EMCN: variants seen among roughly 807,000 people sequenced by gnomAD.
The protein encoded by EMCN is endomucin, also known as MUC-14.
In EMCN, 37 loss-of-function variants were observed where a neutral mutation model predicts 38.4. The ratio of observed to expected loss-of-function variants is 0.96; its 90% CI spans 0.74 to 1.27. The LOEUF (loss-of-function observed/expected upper bound fraction) is 1.27, where lower values mean the gene tolerates loss of function less well. Among genes scored for constraint, EMCN ranks in the 50% most tolerant of loss-of-function variants. The pLI, the probability that EMCN is intolerant of heterozygous loss-of-function variation, is 0.00. For missense variants in EMCN, 318 were observed against 302.8 expected (o/e 1.05, Z -0.37); for synonymous variants, 95 against 100.8 (o/e 0.94, Z 0.35).
intron 4 of EMCN, among the ~76,000 whole-genome samples, chr4:100,464,821 T>A (rs927179808): frequency 6.6e-6 from 1 of 152,090 alleles, no homozygotes; most frequent in African/African-American, 2.4e-5. Flanking sequence ...GGTCTATAGT[T>A]TTCTTTACTT....
chr4:100,417,143 TAGG>T lies in EMCN; in HGVS notation c.665-5_665-3del, dbSNP rs964725176. 2 of 1,613,662 alleles carry T rather than the reference TAGG, an allele frequency of 1.2e-6. No homozygotes were observed. Among genetic ancestry groups the T allele is most frequent in the African/African-American group, 2.7e-5 (2 of 74,916 alleles). On this transcript the variant is annotated splice_region_variant and splice_polypyrimidine_tract_variant and intron_variant, in intron 8 of 11. Transcript: ENST00000296420. ...GATCATTTCCATTTTCTGGTGTGCC[TAGG>T]AGAAGAGGGAGTTGTTATTAGAGTT...
chr4:100,491,085 A>T (rs1729064802), intron 1 of EMCN, among the ~76,000 whole-genome samples: 1 of 152,130 alleles, frequency 6.6e-6, no homozygotes, highest in African/African-American at 2.4e-5. Context: ...ATGGCTTGCA[A>T]ATATTTTCTC....
In EMCN at chr4:100,438,169, A is replaced by G. The variant is rs538093540; in HGVS notation, c.415+9364T>C. On this transcript the variant is annotated intron_variant, in intron 5 of 11. Transcript: ENST00000296420. ...TCAACTCACAAGTTTTAACTTTACA[A>G]TGGGGTTTAAGACATAACCCCATTG... Among the ~76,000 whole-genome samples, 14 of 152,152 alleles carry G rather than the reference A, an allele frequency of 9.2e-5. 1 individual carries two copies. Among genetic ancestry groups the G allele is most frequent in the African/African-American group, 2.4e-4 (10 of 41,538 alleles).
intron 1 of EMCN, among the ~76,000 whole-genome samples, chr4:100,487,490 T>G (rs1450024417): frequency 1.3e-5 from 2 of 152,172 alleles, no homozygotes; most frequent in Non-Finnish European, 2.9e-5. Context: ...ATCTCTTGAA[T>G]TAAATCTTCG....
At chr4:100,422,953 C>A (rs1044249867) in intron 7 of EMCN, 68 bp downstream of exon 7, 6 of 1,476,440 alleles carry the variant, frequency 4.1e-6, no homozygotes, top group Non-Finnish European at 5.7e-6. Context: ...TGATTCCTCT[C>A]CTTTACTGGT....
intron 1 of EMCN, among the ~76,000 whole-genome samples, chr4:100,482,742 A>G (rs1272462601): frequency 1.3e-5 from 2 of 152,090 alleles, no homozygotes; most frequent in Non-Finnish European, 2.9e-5. Context: ...CAGAAATTCC[A>G]CCCTAGGAAA....
chr4:100,517,775 TG>T (rs1360687691), intron 1 of EMCN, 75 bp downstream of exon 1: 15 of 1,389,970 alleles, frequency 1.1e-5, no homozygotes, highest in Admixed American at 1.7e-5. Flanking sequence ...GGAAGATCCC[TG>T]AAAGTAAACT....
intron 5 of EMCN, among the ~76,000 whole-genome samples, chr4:100,432,390 A>T (rs1727227743): frequency 6.6e-6 from 1 of 152,198 alleles, no homozygotes; most frequent in Non-Finnish European, 1.5e-5. Flanking sequence ...ATATTACTTT[A>T]TACCTACATG....
At chr4:100,458,107 C>T (rs1728069971) in intron 4 of EMCN, among the ~76,000 whole-genome samples, 1 of 150,980 alleles carries the variant, frequency 6.6e-6, no homozygotes, top group Admixed American at 6.6e-5. Flanking sequence ...CAGGGCAAGA[C>T]CCTGTCAAAA....
intron 8 of EMCN, among the ~76,000 whole-genome samples, chr4:100,417,535 A>G (rs1389969932): frequency 6.6e-6 from 1 of 152,134 alleles, no homozygotes; most frequent in Non-Finnish European, 1.5e-5. Context: ...TGAAGTTTTG[A>G]CTTTCCTTTA....
In EMCN at chr4:100,403,012, C is replaced by G. The variant is rs115962400; in HGVS notation, c.*40-4639G>C. On this transcript the variant is annotated intron_variant, in intron 11 of 11. Coordinates refer to ENST00000296420, the MANE Select transcript of EMCN (RefSeq NM_016242.4). ...GGACAACGTCTCTCATCCTCATCTT[C>G]TCAAACTTTGCACCTGAAAGTGTCC... Among the ~76,000 whole-genome samples the G allele has an allele frequency of 6.5e-3, 989 of 152,240 alleles. 13 individuals carry two copies. Among genetic ancestry groups the G allele is most frequent in the African/African-American group, 0.022 (930 of 41,548 alleles).
At chr4:100,434,342 A>G (rs988781340) in intron 5 of EMCN, among the ~76,000 whole-genome samples, 1 of 144,860 alleles carries the variant, frequency 6.9e-6, no homozygotes, top group Non-Finnish European at 1.5e-5. Context: ...TAGACCAAAA[A>G]TGAGTTCTGA....
chr4:100,448,839 C>CTTCCTTCCTTA lies in EMCN; in HGVS notation c.377-1269_377-1268insTAAGGAAGGAA, dbSNP rs1560619352. On this transcript the variant is annotated intron_variant, in intron 4 of 11. Transcript: ENST00000296420. ...TCCTTCCTTCCTCCCTCCCTCCCTCCCTCCCTTCCTTGCTTTCTGGCTTGC... is the reference window on the plus strand; with the variant it reads ...TCCTTCCTTCCTCCCTCCCTCCCTCCTTCCTTCCTTACTCCCTTCCTTGCTTTCTGGCTTGC... Among the ~76,000 whole-genome samples, 929 of 149,508 alleles carry CTTCCTTCCTTA rather than the reference C, an allele frequency of 6.2e-3. 53 individuals carry two copies. Among genetic ancestry groups the CTTCCTTCCTTA allele is most frequent in the African/African-American group, 0.022 (867 of 40,058 alleles).
intron 9 of EMCN, 81 bp from the exon 10 acceptor site, chr4:100,416,040 AT>A (rs1726720830): frequency 1.2e-6 from 1 of 859,606 alleles, no homozygotes; most frequent in Admixed American, 2.6e-5. Context: ...CACAAACAGA[AT>A]GACGAAGATA....
intron 11 of EMCN, among the ~76,000 whole-genome samples, chr4:100,404,882 G>A (rs1726352088): frequency 6.6e-6 from 1 of 151,848 alleles, no homozygotes; most frequent in Non-Finnish European, 1.5e-5. Flanking sequence ...TGTCATTTCT[G>A]ATTTCTTTTG....
intron 4 of EMCN, among the ~76,000 whole-genome samples, chr4:100,453,115 G>A (rs1471811828): frequency 6.6e-6 from 1 of 151,884 alleles, no homozygotes; most frequent in Non-Finnish European, 1.5e-5. Context: ...GACTAGGCAA[G>A]GACTTCCTCT....
At chr4:100,410,245 T>C in intron 11 of EMCN, 37 bp downstream of exon 11, 1 of 1,354,208 alleles carries the variant, frequency 7.4e-7, no homozygotes, top group Non-Finnish European at 1.1e-6. Context: ...AAACAGATAT[T>C]AATGATTGTC....
chr4:100,484,290 T>G (rs1728885079), intron 1 of EMCN, among the ~76,000 whole-genome samples: 1 of 152,152 alleles, frequency 6.6e-6, no homozygotes, highest in South Asian at 2.1e-4. Flanking sequence ...TCTTTGAGAA[T>G]TCAGCTTATA....
chr4:100,458,443 A>C (rs1020914024), intron 4 of EMCN, among the ~76,000 whole-genome samples: 18 of 152,222 alleles, frequency 1.2e-4, no homozygotes, highest in African/African-American at 4.3e-4. Context: ...ATGTGTCTAC[A>C]AAATGCATAC....
Sources: allele counts gnomAD v4.1 joint callset (sites outside exome capture counted in the v4.1 genomes callset), GRCh38; gene constraint gnomAD v4.1.1; transcripts MANE v1.5; gene names NCBI Gene and HGNC (gene_info 2026-07-23, HGNC 2026-07-21).